The following LILRB4 variants were observed in gnomAD, a reference collection of about 807,000 sequenced individuals.
LILRB4 encodes leukocyte immunoglobulin like receptor B4.
A neutral mutation model predicts 55.2 loss-of-function variants in LILRB4; 49 were observed. The observed-to-expected ratio is 0.89, with a 90% CI of 0.71 to 1.13. The LOEUF is 1.13. LILRB4 is among the 50% of genes most tolerant of loss of function. The pLI, the probability that LILRB4 is intolerant of heterozygous loss-of-function variation, is 0.00. For synonymous variants in LILRB4, 229 were observed against 213.8 expected, an observed-to-expected ratio of 1.07 and a Z score of -0.62; for missense variants, 590 against 555.2, an observed-to-expected ratio of 1.06 and a Z score of -0.63.
exon 12 of LILRB4, chr19:54,668,221 T>C: frequency 8.5e-6 from 5 of 586,088 alleles, no homozygotes; most frequent in Non-Finnish European, 1.2e-5. Flanking sequence ...GTAGCAGACC[T>C]CTCAATTCAC....
At position 54,663,431 on chromosome 19, in the gene LILRB4, G is replaced by A. The variant is rs1354308209; in HGVS notation, c.35-101G>A. 4.5e-5 allele frequency: 39 copies of A among 872,328 alleles called. 1 individual carries two copies. Among genetic ancestry groups the A allele is most frequent in the East Asian group, 2.4e-4 (7 of 29,746 alleles). 54.0% of individuals were successfully genotyped at this position (872,328 alleles called of 1,614,324 possible). A position where few individuals can be genotyped will look rare whatever the true frequency, so the allele number is the denominator to read the frequency against. ...ACCGCACTCCAGCCTGGGTGACAGC[G>A]AGACTCCGTCTCAAAAAAAAAAAAA... is the stretch of plus-strand genomic sequence containing the variant. On this transcript the variant is annotated intron_variant, in intron 1 of 11. Coordinates refer to ENST00000430952, the Ensembl canonical transcript of LILRB4.
rs1261813182 is a variant in LILRB4 at position 54,663,569 on chromosome 19, T to A, written c.70+2T>A. 3 of 1,612,120 alleles carry A rather than the reference T, an allele frequency of 1.9e-6. No individual in the cohort carries two copies. Among genetic ancestry groups the A allele is most frequent in the African/African-American group, 1.3e-5 (1 of 74,284 alleles). ...GCCCCAGGACCCACATGCAGGCAGG[T>A]GAGTCTGTCCCCAGCTGTCCCAGGT... On this transcript the variant is annotated splice_donor_variant, in intron 2 of 11. Transcript: ENST00000430952. LOFTEE classifies it high-confidence loss of function.
chr19:54,663,176 G>A (rs1438484107), intron 1 of LILRB4, 109 bp downstream of exon 1: 14 of 1,289,202 alleles, frequency 1.1e-5, no homozygotes, highest in Non-Finnish European at 1.5e-5. Flanking sequence ...GCCGGGCGCG[G>A]TGGCTCACGC....
At chr19:54,663,645 G>C in intron 2 of LILRB4, 78 bp downstream of exon 2, 1 of 1,611,792 alleles carries the variant, frequency 6.2e-7, no homozygotes, top group Non-Finnish European at 8.5e-7. Flanking sequence ...TGGGGGAGGA[G>C]ACAGCAGTTC....
In LILRB4 at chr19:54,666,311, A is replaced by C. The variant is rs769025755; in HGVS notation, c.946A>C (p.Arg316=). 3.7e-6 allele frequency: 6 copies of C among 1,609,782 alleles called. No homozygotes were observed. The African/African-American group carries it at 6.7e-5, about 18-fold the overall frequency. Residue 316 remains arginine (R), a synonymous_variant, in exon 8 of 12, where the codon AGG becomes CGG. Transcript: ENST00000430952. The surrounding 1 kb of genome is among the most constrained non-coding windows in gnomAD (Gnocchi z 4.8). ...AGAGCCCAAGGACGGGGGCCTACAG[A>C]GGAGGTAATTCTGCCCAAAGACCTC...
intron 5 of LILRB4, 50 bp downstream of exon 5, chr19:54,664,899 T>C: frequency 6.5e-7 from 1 of 1,537,638 alleles, no homozygotes; most frequent in Non-Finnish European, 9.0e-7. Flanking sequence ...CCGAGGCCTG[T>C]CTCAAGACAT....
rs371595706 is a variant in LILRB4, at chr19:54,665,844, G to T, written c.787G>T (p.Gly263Trp). The T allele has an allele frequency of 1.2e-6, 2 of 1,612,678 alleles. No homozygotes were observed. The highest frequency in any genetic ancestry group is 8.5e-7 in the Non-Finnish European group (1 of 1,179,456). ...GAGAAGGCACTGGGAGGTACTGATC[G>T]GGGTCTTGGTGGTCTCCATCCTGCT... Residue 263 changes from glycine (G) to tryptophan (W), a missense_variant, in exon 7 of 12, where the codon GGG (glycine) becomes TGG (tryptophan). By Grantham distance (184) the Gly-to-Trp change is radical (BLOSUM62 -2). Coordinates refer to ENST00000430952, the Ensembl canonical transcript of LILRB4. This position sits in a 1 kb window ranked among gnomAD's most constrained non-coding sequence, Gnocchi z 5.5.
rs536287525 is a variant in LILRB4 at position 54,665,423 on chromosome 19, G to T, written c.757+243G>T. 6.6e-6 allele frequency among the ~76,000 whole-genome samples: 1 copy of T among 152,022 alleles called. No homozygotes were observed. Among genetic ancestry groups the T allele is most frequent in the Non-Finnish European group, 1.5e-5 (1 of 67,992 alleles). ...CAGGGAACCTCCCAGACCCGATTCC[G>T]CAGGGGCCTGTCCGGTCCCACCTGC... is the stretch of plus-strand genomic sequence containing the variant. On this transcript the variant is annotated intron_variant, in intron 6 of 11. Transcript: ENST00000430952. The surrounding 1 kb of genome is among the most constrained non-coding windows in gnomAD (Gnocchi z 5.5).
At chr19:54,663,721 G>A in intron 2 of LILRB4, 33 bp from the exon 3 acceptor site, 2 of 1,611,974 alleles carry the variant, frequency 1.2e-6, no homozygotes, top group Non-Finnish European at 1.7e-6. Context: ...GGCTGAGGAA[G>A]GTCTTGGGAT....
In LILRB4 at chr19:54,666,831, C is replaced by G; in HGVS notation, c.1041+82C>G. The G allele has an allele frequency of 7.4e-7, 1 of 1,356,170 alleles. No individual in the cohort carries two copies. The highest frequency in any genetic ancestry group is 2.3e-5 in the East Asian group (1 of 43,660). The allele number at this position is 1,356,170 out of a possible 1,614,324, so 84.0% of individuals were successfully genotyped here. On this transcript the variant is annotated intron_variant, in intron 10 of 11. Transcript: ENST00000430952. This position sits in a 1 kb window ranked among gnomAD's most constrained non-coding sequence, Gnocchi z 4.8. ...TGCAGGACTTCTCTGTCCTCCTTCC[C>G]CCGGCTCTCAGCATCGTCACGGTGG...
At position 54,665,016 on chromosome 19, in the gene LILRB4, G is replaced by A. The variant is rs2065199874; in HGVS notation, c.707-114G>A. On this transcript the variant is annotated intron_variant, in intron 5 of 11. Coordinates refer to ENST00000430952, the Ensembl canonical transcript of LILRB4. The surrounding 1 kb of genome is among the most constrained non-coding windows in gnomAD (Gnocchi z 5.5). ...GCACCACAGGCTCCCAAGGCCCTGAGGCTGGGCTGGTGAGGGGTGAGGGGG... is the reference window on the plus strand; with the variant it reads ...GCACCACAGGCTCCCAAGGCCCTGAAGCTGGGCTGGTGAGGGGTGAGGGGG... 6.9e-7 allele frequency: 1 copy of A among 1,441,186 alleles called. No homozygotes were observed. The highest frequency in any genetic ancestry group is 9.7e-7 in the Non-Finnish European group (1 of 1,033,472). The allele number at this position is 1,441,186 out of a possible 1,614,324, so 89.3% of individuals were successfully genotyped here.
At position 54,665,799 on chromosome 19, in the gene LILRB4, T is replaced by C. The variant is rs373259283; in HGVS notation, c.758-16T>C. ...TCAATGACATCATCCCCATTCCTGA[T>C]GTCATCACGCCCAAGGTCTGAGAAG... is the stretch of plus-strand genomic sequence containing the variant. On this transcript the variant is annotated splice_polypyrimidine_tract_variant and intron_variant, in intron 6 of 11. Transcript: ENST00000430952. The surrounding 1 kb of genome is among the most constrained non-coding windows in gnomAD (Gnocchi z 5.5). 2.7e-5 allele frequency: 43 copies of C among 1,587,946 alleles called. No individual in the cohort carries two copies. In the East Asian group the frequency reaches 9.2e-4, roughly 34 times the overall value.
rs762780028 is a variant in LILRB4, at chr19:54,663,088, G to A, written c.34+21G>A. 3.2e-5 allele frequency: 52 copies of A among 1,603,412 alleles called. No homozygotes were observed. The East Asian group carries it at 9.8e-4, about 30-fold the overall frequency. On this transcript the variant is annotated intron_variant, in intron 1 of 11. Transcript: ENST00000430952. ...CCTCGGTGAGATTTAAAGAGGGGGA[G>A]GGGAGACCCGAGTCTTGGAGGAAAT...
At chr19:54,667,949 A>G (rs2065371791) in exon 12 of LILRB4, 1 of 1,613,242 alleles carries the variant, frequency 6.2e-7, no homozygotes, top group Non-Finnish European at 8.5e-7. Flanking sequence ...AAGGCAACTG[A>G]GCCTCCTCCA....
chr19:54,665,051 AAGG>A lies in LILRB4; in HGVS notation c.707-76_707-74del. The A allele has an allele frequency of 6.4e-7, 1 of 1,557,444 alleles. No individual in the cohort carries two copies. Among genetic ancestry groups the A allele is most frequent in the Non-Finnish European group, 8.8e-7 (1 of 1,132,188 alleles). ...GTGAGGGGTGAGGGGGTCAAGGCTGAAGGAGATGTTGCGGGGAGAAGCCGAGCT... is the reference window on the plus strand; with the variant it reads ...GTGAGGGGTGAGGGGGTCAAGGCTGAAGATGTTGCGGGGAGAAGCCGAGCT... On this transcript the variant is annotated intron_variant, in intron 5 of 11. Transcript: ENST00000430952. The surrounding 1 kb of genome is among the most constrained non-coding windows in gnomAD (Gnocchi z 5.5).
Position 54,666,469 on chromosome 19 carries a change from T to C in LILRB4, c.988+33T>C. 1 of 1,612,490 alleles carries C rather than the reference T, an allele frequency of 6.2e-7. No homozygotes were observed. The highest frequency in any genetic ancestry group is 8.5e-7 in the Non-Finnish European group (1 of 1,178,954). On this transcript the variant is annotated intron_variant, in intron 9 of 11. Transcript: ENST00000430952. This position sits in a 1 kb window ranked among gnomAD's most constrained non-coding sequence, Gnocchi z 4.8. ...AGAGGCAGAGAAGGTGCACCTGGGG[T>C]GGAGCTGGGGGTCCCAAAATTTCAA...
chr19:54,663,458 A>AAAAAAAAAAAAAC (rs2065104456), intron 1 of LILRB4, 74 bp from the exon 2 acceptor site: 1 of 1,506,174 alleles, frequency 6.6e-7, no homozygotes, highest in Admixed American at 2.1e-5. Context: ...AAAAAAAAAA[A>AAAAAAAAAAAAAC]AAAAAATCTC....
chr19:54,663,858 C>T (rs201027770), exon 3 of LILRB4: 18 of 1,614,138 alleles, frequency 1.1e-5, no homozygotes, highest in African/African-American at 2.7e-5. Context: ...TCGGGAGTAC[C>T]GTCTGGATAA....
At chr19:54,667,024 T>C in intron 10 of LILRB4, 1 of 675,638 alleles carries the variant, frequency 1.5e-6, no homozygotes, top group Non-Finnish European at 2.8e-6. Flanking sequence ...GACGAATAAA[T>C]GAACCACTCC....
Sources: allele counts gnomAD v4.1 joint callset (sites outside exome capture counted in the v4.1 genomes callset), GRCh38; gene constraint gnomAD v4.1.1; non-coding constraint Gnocchi (gnomAD v3.1); transcripts MANE v1.5; gene names NCBI Gene and HGNC (gene_info 2026-07-23, HGNC 2026-07-21).